Variants in CNBD1 observed in about 807,000 individuals in gnomAD.
CNBD1 encodes cyclic nucleotide binding domain containing 1.
Under a neutral mutation model 54.4 loss-of-function variants are expected in CNBD1, and 71 were observed. The ratio of observed to expected loss-of-function variants is 1.30; its 90% CI spans 1.08 to 1.59. CNBD1 has a LOEUF of 1.59. Among genes scored for constraint, CNBD1 ranks in the 40% most tolerant of loss-of-function variants. The pLI is 0.00. For missense variants in CNBD1, 659 were observed against 518.0 expected, an observed-to-expected ratio of 1.27 and a Z score of -2.64; for synonymous variants, 182 against 170.7, an observed-to-expected ratio of 1.07 and a Z score of -0.51.
chr8:87,311,017 C>T lies in CNBD1; in HGVS notation c.1042+24346C>T, dbSNP rs945320484. On this transcript the variant is annotated intron_variant, in intron 8 of 10. Transcript: ENST00000518476. The stretch of plus-strand genomic sequence containing the variant: ...GAACCCTAGGAGAAAACCTAGGAAA[C>T]AGTATTGTGGACATTGGCCTTGGGA... Among the ~76,000 whole-genome samples, 3 of 151,964 alleles carry T rather than the reference C, an allele frequency of 2.0e-5. No individual in the cohort carries two copies. The South Asian group carries it at 6.2e-4, about 31-fold the overall frequency.
At chr8:87,423,410 G>T (rs974372108) in intron 2 of CNBD1, among the ~76,000 whole-genome samples, 13 of 151,616 alleles carry the variant, frequency 8.6e-5, no homozygotes, top group Non-Finnish European at 1.2e-4. Context: ...TTGGCTGTGG[G>T]TTTGTCACAG....
intron 4 of CNBD1, among the ~76,000 whole-genome samples, chr8:87,158,235 T>A (rs970263551): frequency 6.6e-6 from 1 of 152,114 alleles, no homozygotes; most frequent in African/African-American, 2.4e-5. Flanking sequence ...TTATATAACA[T>A]TTCTCTGCCT....
chr8:87,267,171 T>C (rs1284613936), intron 6 of CNBD1, among the ~76,000 whole-genome samples: 1 of 152,110 alleles, frequency 6.6e-6, no homozygotes, highest in Non-Finnish European at 1.5e-5. Flanking sequence ...GACAATATAA[T>C]GAAAATTACA....
At chr8:87,251,492 G>A (rs966517878) in intron 6 of CNBD1, among the ~76,000 whole-genome samples, 7 of 151,676 alleles carry the variant, frequency 4.6e-5, no homozygotes, top group African/African-American at 1.5e-4. Context: ...ACAGGTTGAG[G>A]CAGGAGAATC....
chr8:86,875,385 T>C (rs568396520), intron 1 of CNBD1, among the ~76,000 whole-genome samples: 1 of 152,276 alleles, frequency 6.6e-6, no homozygotes, highest in South Asian at 2.1e-4. Flanking sequence ...CTGGTATAGA[T>C]GTCTACCATC....
chr8:87,094,659 T>C (rs1811282587), intron 4 of CNBD1, among the ~76,000 whole-genome samples: 1 of 152,182 alleles, frequency 6.6e-6, no homozygotes, highest in South Asian at 2.1e-4. Context: ...TTTGTGGACA[T>C]AGAGGCTGAG....
chr8:87,082,570 G>GT (rs1310623744), intron 4 of CNBD1, among the ~76,000 whole-genome samples: 25 of 152,074 alleles, frequency 1.6e-4, no homozygotes, highest in Non-Finnish European at 3.4e-4. Context: ...GAATGGTATA[G>GT]TTTTTTTCTT....
intron 4 of CNBD1, among the ~76,000 whole-genome samples, chr8:87,016,964 C>T (rs1809369253): frequency 6.6e-6 from 1 of 152,162 alleles, no homozygotes; most frequent in Admixed American, 6.5e-5. Context: ...ACGTCTGTTA[C>T]CCACGTCATG....
At chr8:87,334,719 CTTTTCT>C (rs1809906858) in intron 8 of CNBD1, among the ~76,000 whole-genome samples, 2 of 126,178 alleles carry the variant, frequency 1.6e-5, no homozygotes, top group East Asian at 2.0e-4. Flanking sequence ...TTTCTTTTTT[CTTTTCT>C]TTTTTTTTTT....
At chr8:87,343,697 G>T (rs776734258) in intron 8 of CNBD1, among the ~76,000 whole-genome samples, 1 of 152,110 alleles carries the variant, frequency 6.6e-6, no homozygotes, top group Non-Finnish European at 1.5e-5. Context: ...ATTGAAAAGT[G>T]AGCATATTTC....
chr8:86,914,563 A>G (rs1332533266), intron 3 of CNBD1, among the ~76,000 whole-genome samples: 1 of 152,242 alleles, frequency 6.6e-6, no homozygotes, highest in Non-Finnish European at 1.5e-5. Context: ...ATTAGTCAAC[A>G]TATGACTGTA....
intron 4 of CNBD1, among the ~76,000 whole-genome samples, chr8:86,947,407 C>T (rs1807493628): frequency 1.3e-5 from 2 of 151,952 alleles, no homozygotes; most frequent in African/African-American, 4.8e-5. Flanking sequence ...TCCAAATGAG[C>T]CACTAAATTG....
intron 2 of CNBD1, among the ~76,000 whole-genome samples, chr8:86,898,809 A>G (rs1009027544): frequency 1.3e-5 from 2 of 152,182 alleles, no homozygotes; most frequent in Non-Finnish European, 2.9e-5. Context: ...GAAAGATAAA[A>G]TGATTAAGCT....
chr8:87,140,334 G>C (rs1210813998), intron 4 of CNBD1, among the ~76,000 whole-genome samples: 3 of 152,088 alleles, frequency 2.0e-5, no homozygotes, highest in Admixed American at 1.3e-4. Flanking sequence ...ATAAATTGCA[G>C]AGATAGGTTA....
At chr8:86,910,111 C>A (rs574340170) in intron 3 of CNBD1, among the ~76,000 whole-genome samples, 2 of 152,182 alleles carry the variant, frequency 1.3e-5, no homozygotes, top group Admixed American at 1.3e-4. Context: ...ATGAATTAGT[C>A]CAGGCTTTTA....
At chr8:87,386,539 T>C (rs1811194002), downstream of CNBD1, among the ~76,000 whole-genome samples, 1 of 150,758 alleles carries the variant, frequency 6.6e-6, no homozygotes, top group South Asian at 2.1e-4. Flanking sequence ...ATGAATGAAA[T>C]GAAGTGAGAA....
chr8:87,414,040 A>G (rs570851519), intron 2 of CNBD1, among the ~76,000 whole-genome samples: 5 of 152,298 alleles, frequency 3.3e-5, no homozygotes, highest in East Asian at 1.9e-4. Flanking sequence ...CCAAAGGATT[A>G]TAAATCATGA....
chr8:87,425,388 A>T (rs1808027439), intron 2 of CNBD1, among the ~76,000 whole-genome samples: 3 of 151,956 alleles, frequency 2.0e-5, no homozygotes, highest in Admixed American at 2.0e-4. Context: ...GGAGGAGGAG[A>T]GGCGCTCTGA....
intron 2 of CNBD1, among the ~76,000 whole-genome samples, chr8:87,411,971 T>C (rs1807754231): frequency 6.6e-6 from 1 of 152,030 alleles, no homozygotes; most frequent in Non-Finnish European, 1.5e-5. Context: ...TTTGTTTTTC[T>C]TATTACTACA....
Sources: allele counts gnomAD v4.1 joint callset (sites outside exome capture counted in the v4.1 genomes callset), GRCh38; gene constraint gnomAD v4.1.1; transcripts MANE v1.5; gene names NCBI Gene and HGNC (gene_info 2026-07-23, HGNC 2026-07-21).